Variants in CRYBG3 observed in about 807,000 individuals in gnomAD.
CRYBG3 encodes the protein very large A-kinase anchor protein.
In CRYBG3, 127 loss-of-function variants were observed where a neutral mutation model predicts 244.2. The observed-to-expected ratio is 0.52, with a 90% CI of 0.45 to 0.60. The LOEUF is 0.60. CRYBG3 is among the 20% of genes least tolerant of loss of function. CRYBG3 has a pLI of 0.00. For synonymous variants in CRYBG3, 1,132 were observed against 1,195.8 expected, an observed-to-expected ratio of 0.95 and a Z score of 1.10; for missense variants, 3,325 against 3,442.5, an observed-to-expected ratio of 0.97 and a Z score of 0.85.
At chr3:97,857,148 G>A (rs1478085281) in intron 2 of CRYBG3, among the ~76,000 whole-genome samples, 1 of 152,020 alleles carries the variant, frequency 6.6e-6, no homozygotes, top group Non-Finnish European at 1.5e-5. Flanking sequence ...TCAGGAGCAT[G>A]TTGTTTAATT....
rs544748699 is a variant in CRYBG3, at chr3:97,867,572, G to A, written c.647+2925G>A. Among the ~76,000 whole-genome samples, 12 of 152,092 alleles carry A rather than the reference G, an allele frequency of 7.9e-5. No homozygotes were observed. In the East Asian group the frequency reaches 2.3e-3, roughly 29 times the overall value. On this transcript the variant is annotated intron_variant, in intron 3 of 21. Coordinates refer to ENST00000389622, the MANE Select transcript of CRYBG3 (RefSeq NM_153605.4). Reference sequence around the variant, plus strand: ...TCACATAATGAGTAATTATGTATTGGGCTAAAATCTGTAAAACCTTTTCAG... The same window carrying A: ...TCACATAATGAGTAATTATGTATTGAGCTAAAATCTGTAAAACCTTTTCAG...
chr3:97,935,899 C>T (rs2040158848), intron 18 of CRYBG3, among the ~76,000 whole-genome samples: 1 of 152,056 alleles, frequency 6.6e-6, no homozygotes, highest in Non-Finnish European at 1.5e-5. Context: ...CAAAATAAAG[C>T]AAGGCAGCCA....
chr3:97,855,621 T>A (rs1193718087), intron 2 of CRYBG3, among the ~76,000 whole-genome samples: 2 of 152,160 alleles, frequency 1.3e-5, no homozygotes, highest in Non-Finnish European at 2.9e-5. Context: ...GTAGATTCTT[T>A]TCTATTTTCC....
At chr3:97,847,084 C>G (rs1392942258) in intron 2 of CRYBG3, among the ~76,000 whole-genome samples, 1 of 152,102 alleles carries the variant, frequency 6.6e-6, no homozygotes, top group African/African-American at 2.4e-5. Context: ...TCTAAACAAC[C>G]AGATCTCACG....
intron 18 of CRYBG3, among the ~76,000 whole-genome samples, chr3:97,935,925 A>G (rs1295511548): frequency 6.6e-6 from 1 of 152,062 alleles, no homozygotes; most frequent in Non-Finnish European, 1.5e-5. Flanking sequence ...TCCTGCACAC[A>G]CTTTCTTAAA....
chr3:97,903,306 G>A (rs1018787022), intron 15 of CRYBG3, among the ~76,000 whole-genome samples: 8 of 152,134 alleles, frequency 5.3e-5, no homozygotes, highest in African/African-American at 1.9e-4. Flanking sequence ...GCAGTAAAGA[G>A]AAAACACTTC....
chr3:97,883,776 T>C (rs1235094593), intron 7 of CRYBG3, among the ~76,000 whole-genome samples: 1 of 152,204 alleles, frequency 6.6e-6, no homozygotes, highest in African/African-American at 2.4e-5. Context: ...AAAGTAATAA[T>C]TAGGCATCAA....
At position 97,894,311 on chromosome 3, in the gene CRYBG3, C is replaced by T. The variant is rs142167588; in HGVS notation, c.7574+1318C>T. On this transcript the variant is annotated intron_variant, in intron 11 of 21. Transcript: ENST00000389622. The stretch of plus-strand genomic sequence containing the variant: ...TTTAAATAGCTATTTTGTAAAAATC[C>T]TAAGTAAACATGACTTGTAATGCAG... Among the ~76,000 whole-genome samples, 53 of 152,064 alleles carry T rather than the reference C, an allele frequency of 3.5e-4. No individual in the cohort carries two copies. In the East Asian group the frequency reaches 9.9e-3, roughly 28 times the overall value.
intron 1 of CRYBG3, among the ~76,000 whole-genome samples, chr3:97,837,649 G>T (rs1437276644): frequency 6.6e-6 from 1 of 152,048 alleles, no homozygotes; most frequent in Non-Finnish European, 1.5e-5. Context: ...GGGTTGGGGT[G>T]TGCTGTTTAG....
chr3:97,844,601 C>G (rs193085860), intron 2 of CRYBG3, among the ~76,000 whole-genome samples: 1 of 152,116 alleles, frequency 6.6e-6, no homozygotes, highest in South Asian at 2.1e-4. Context: ...TGCTTCTTTC[C>G]CCATTTAGCC....
At chr3:97,897,608 G>T (rs2039654309) in intron 12 of CRYBG3, among the ~76,000 whole-genome samples, 1 of 151,978 alleles carries the variant, frequency 6.6e-6, no homozygotes, top group South Asian at 2.1e-4. Context: ...CTGTTAGTTT[G>T]TTAAAAACTC....
chr3:97,884,679 T>C (rs1198395214), intron 7 of CRYBG3, among the ~76,000 whole-genome samples: 1 of 152,168 alleles, frequency 6.6e-6, no homozygotes. Flanking sequence ...TCAAGAATTA[T>C]ACATATGTTT....
chr3:97,921,311 C>T (rs947995890), intron 17 of CRYBG3, among the ~76,000 whole-genome samples: 1 of 152,138 alleles, frequency 6.6e-6, no homozygotes, highest in African/African-American at 2.4e-5. Context: ...CTTTTCATCA[C>T]AGTTACTGAA....
intron 2 of CRYBG3, among the ~76,000 whole-genome samples, chr3:97,843,816 A>G (rs187070120): frequency 6.6e-6 from 1 of 152,302 alleles, no homozygotes; most frequent in Admixed American, 6.5e-5. Context: ...AATCCTTGAA[A>G]ATCACTAAAC....
intron 2 of CRYBG3, among the ~76,000 whole-genome samples, chr3:97,855,479 G>C (rs574270332): frequency 1.3e-5 from 2 of 151,736 alleles, no homozygotes; most frequent in South Asian, 4.2e-4. Flanking sequence ...GCTTTTCTTT[G>C]TTGGGAGACT....
chr3:97,872,633 T>C lies in CRYBG3; in HGVS notation c.1439T>C (p.Ile480Thr), dbSNP rs549194270. 1.2e-5 allele frequency: 18 copies of C among 1,535,810 alleles called. No individual in the cohort carries two copies. In the East Asian group the frequency reaches 3.4e-4, roughly 29 times the overall value. ...PESECSDKQT[I>T]DSSSKQAATH... ...AGTGAGTGTTCTGACAAGCAAACCA[T>C]AGATAGCTCATCAAAGCAAGCTGCC... Residue 480 changes from isoleucine (I) to threonine (T), a missense_variant, in exon 4 of 22, where the codon ATA (isoleucine) becomes ACA (threonine). Coordinates refer to ENST00000389622, the MANE Select transcript of CRYBG3 (RefSeq NM_153605.4).
chr3:97,936,972 A>G (rs1364895137), intron 19 of CRYBG3, 64 bp downstream of exon 19: 1 of 1,547,306 alleles, frequency 6.5e-7, no homozygotes, highest in African/African-American at 1.4e-5. Flanking sequence ...GTCATAAACC[A>G]CAGCATCTGA....
chr3:97,934,352 G>C (rs915325862), intron 18 of CRYBG3, among the ~76,000 whole-genome samples: 1 of 152,008 alleles, frequency 6.6e-6, no homozygotes, highest in African/African-American at 2.4e-5. Flanking sequence ...TGAATACTTA[G>C]GACAGAAATG....
rs907552926 is a variant in CRYBG3, at chr3:97,920,756, C to T, written c.8241+5020C>T. On this transcript the variant is annotated intron_variant, in intron 17 of 21. Transcript: ENST00000389622. ...TGTTGGCCAGGCTGTTCTCAAACTC[C>T]TGACCTCAAGGGATCTGCCTGCCTC... is the stretch of plus-strand genomic sequence containing the variant. 5.9e-4 allele frequency among the ~76,000 whole-genome samples: 90 copies of T among 152,160 alleles called. 1 individual carries two copies. Among genetic ancestry groups the T allele is most frequent in the Middle Eastern group, 6.3e-3 (2 of 316 alleles).
Sources: allele counts gnomAD v4.1 joint callset (sites outside exome capture counted in the v4.1 genomes callset), GRCh38; gene constraint gnomAD v4.1.1; transcripts MANE v1.5; gene names NCBI Gene and HGNC (gene_info 2026-07-23, HGNC 2026-07-21).